PEAK1: variants seen among roughly 807,000 people sequenced by gnomAD.
PEAK1 encodes the protein pseudopodium enriched atypical kinase 1.
Under a neutral mutation model 124.7 loss-of-function variants are expected in PEAK1, and 54 were observed. The ratio of observed to expected loss-of-function variants is 0.43; its 90% CI spans 0.35 to 0.54. The LOEUF is 0.54. Among genes scored for constraint, PEAK1 ranks in the 20% least tolerant of loss-of-function variants. The pLI, the probability that PEAK1 is intolerant of heterozygous loss-of-function variation, is 0.01. For synonymous variants in PEAK1, 719 were observed against 760.0 expected (o/e 0.95, Z 0.89); for missense variants, 2,046 against 2,134.5 (o/e 0.96, Z 0.82).
At chr15:77,343,659 T>C (rs1294338080) in intron 2 of PEAK1, among the ~76,000 whole-genome samples, 1 of 152,070 alleles carries the variant, frequency 6.6e-6, no homozygotes, top group African/African-American at 2.4e-5. Flanking sequence ...CTAATTTTTG[T>C]ATTTTTTATA....
At chr15:77,408,679 C>T (rs1468705984) in intron 1 of PEAK1, among the ~76,000 whole-genome samples, 1 of 152,162 alleles carries the variant, frequency 6.6e-6, no homozygotes, top group Non-Finnish European at 1.5e-5. Flanking sequence ...AATTAAAAAA[C>T]TACTTCATAC....
At chr15:77,362,584 T>A (rs2067964638) in intron 2 of PEAK1, among the ~76,000 whole-genome samples, 1 of 152,152 alleles carries the variant, frequency 6.6e-6, no homozygotes, top group Admixed American at 6.5e-5. Context: ...TACCGTCTTT[T>A]TAGAAAACAG....
chr15:77,322,951 C>T (rs2065323754), intron 2 of PEAK1, among the ~76,000 whole-genome samples: 3 of 152,218 alleles, frequency 2.0e-5, no homozygotes, highest in Admixed American at 2.0e-4. Flanking sequence ...AAGAGGGCTT[C>T]ATCCCTGGGA....
intron 2 of PEAK1, among the ~76,000 whole-genome samples, chr15:77,291,823 A>C (rs2063227134): frequency 6.6e-6 from 1 of 151,978 alleles, no homozygotes; most frequent in African/African-American, 2.4e-5. Flanking sequence ...TAAAAATACA[A>C]AAAATTAGCC....
At chr15:77,283,336 CTTT>C (rs1352429972) in intron 5 of PEAK1, among the ~76,000 whole-genome samples, 1 of 152,006 alleles carries the variant, frequency 6.6e-6, no homozygotes, top group Non-Finnish European at 1.5e-5. Context: ...TTAAAAAACA[CTTT>C]TTAATATAGA....
At chr15:77,374,137 T>C (rs907631565) in intron 1 of PEAK1, among the ~76,000 whole-genome samples, 2 of 152,192 alleles carry the variant, frequency 1.3e-5, no homozygotes, top group African/African-American at 2.4e-5. Flanking sequence ...ACAGTGATCA[T>C]TAAACTCTAA....
At chr15:77,131,322 G>C (rs945450739) in intron 9 of PEAK1, among the ~76,000 whole-genome samples, 1 of 152,052 alleles carries the variant, frequency 6.6e-6, no homozygotes, top group African/African-American at 2.4e-5. Context: ...GTGAAACCCC[G>C]TGTCTACTAA....
At chr15:77,155,012 C>T (rs1046342901) in intron 8 of PEAK1, among the ~76,000 whole-genome samples, 9 of 152,082 alleles carry the variant, frequency 5.9e-5, no homozygotes, top group South Asian at 2.1e-4. Flanking sequence ...CTGTATTTCC[C>T]GAATCTGAAT....
intron 5 of PEAK1, chr15:77,278,546 T>C (rs2062463152): frequency 6.2e-6 from 3 of 486,552 alleles, no homozygotes; most frequent in South Asian, 1.5e-5. Flanking sequence ...ATCTGCAAGG[T>C]TGTCTACTAA....
intron 6 of PEAK1, among the ~76,000 whole-genome samples, chr15:77,251,976 A>C (rs1380486280): frequency 6.6e-6 from 1 of 152,228 alleles, no homozygotes; most frequent in Non-Finnish European, 1.5e-5. Flanking sequence ...ATACCACTGG[A>C]GCTGTAACAC....
rs2053096217 is a variant in PEAK1, at chr15:77,133,887, G to GA, written c.3332-138dup. 2.0e-6 allele frequency: 2 copies of GA among 1,006,054 alleles called. No individual in the cohort carries two copies. The highest frequency in any genetic ancestry group is 3.3e-5 in the African/African-American group (2 of 61,096). The allele number at this position is 1,006,054 out of a possible 1,614,324, so 62.3% of individuals were successfully genotyped here. A position where few individuals can be genotyped will look rare whatever the true frequency, so the allele number is the denominator to read the frequency against. ...AAGTCAACTCTTTAGTTCAAAATGGGAAAAGAGAACAACCAAAGAACAAAT... is the reference window on the plus strand; with the variant it reads ...AAGTCAACTCTTTAGTTCAAAATGGGAAAAAGAGAACAACCAAAGAACAAAT... On this transcript the variant is annotated intron_variant, in intron 8 of 9. Coordinates refer to ENST00000682557, the MANE Select transcript of PEAK1 (RefSeq NM_001385026.1). This position sits in a 1 kb window ranked among gnomAD's most constrained non-coding sequence, Gnocchi z 4.2.
Position 77,114,769 on chromosome 15 carries a change from G to A in PEAK1, c.4628C>T (p.Pro1543Leu), listed in dbSNP as rs1222832520. 6.2e-7 allele frequency: 1 copy of A among 1,613,186 alleles called. No individual in the cohort carries two copies. Among genetic ancestry groups the A allele is most frequent in the South Asian group, 1.1e-5 (1 of 91,052 alleles). The change falls in exon 10 of 10, where the codon CCC (proline) becomes CTC (leucine). Residue 1543 changes from proline to leucine, a missense_variant. Coordinates refer to ENST00000682557, the MANE Select transcript of PEAK1 (RefSeq NM_001385026.1). Reference protein sequence around the residue: ...AQGFGPAEPSPTSSYPTRLIV... With the variant: ...AQGFGPAEPSLTSSYPTRLIV... The stretch of plus-strand genomic sequence containing the variant: ...AAGCCTAGTGGGATAAGATGAGGTG[G>A]GGCTGGGCTCTGCAGGCCCAAAGCC...
At chr15:77,363,568 C>T (rs746010038) in intron 2 of PEAK1, among the ~76,000 whole-genome samples, 5 of 152,172 alleles carry the variant, frequency 3.3e-5, no homozygotes, top group South Asian at 2.1e-4. Flanking sequence ...AAAATCCCCA[C>T]CTCTGTGTTG....
intron 1 of PEAK1, chr15:77,417,474 G>GC: frequency 1.1e-6 from 1 of 921,870 alleles, no homozygotes; most frequent in Non-Finnish European, 1.3e-6. Context: ...GGGGAGGGGG[G>GC]CAAGAGGTAG....
chr15:77,170,870 G>C (rs574218741), intron 7 of PEAK1, among the ~76,000 whole-genome samples: 4 of 152,196 alleles, frequency 2.6e-5, no homozygotes, highest in African/African-American at 9.6e-5. Flanking sequence ...TCCCCCATGT[G>C]ATGGACACCA....
At chr15:77,195,945 C>G (rs2058082014) in intron 6 of PEAK1, among the ~76,000 whole-genome samples, 1 of 152,206 alleles carries the variant, frequency 6.6e-6, no homozygotes, top group Non-Finnish European at 1.5e-5. Flanking sequence ...AGTAGCAATG[C>G]CATCACTCTT....
downstream of PEAK1, chr15:77,105,568 G>A (rs2050742827): frequency 6.6e-6 from 1 of 152,158 alleles, no homozygotes; most frequent in African/African-American, 2.4e-5. Flanking sequence ...ACAACAACTT[G>A]TGATCTGCCA....
intron 5 of PEAK1, among the ~76,000 whole-genome samples, chr15:77,270,623 AGCTCATAG>A (rs1355896892): frequency 6.6e-6 from 1 of 152,136 alleles, no homozygotes; most frequent in African/African-American, 2.4e-5. Flanking sequence ...TCAACGGCTA[AGCTCATAG>A]GCTTAGGATT....
chr15:77,323,454 T>C (rs1457155403), intron 2 of PEAK1, among the ~76,000 whole-genome samples: 3 of 152,298 alleles, frequency 2.0e-5, no homozygotes, highest in Admixed American at 1.3e-4. Context: ...ACAAAATCAA[T>C]GTGCAAAAAT....
Sources: allele counts gnomAD v4.1 joint callset (sites outside exome capture counted in the v4.1 genomes callset), GRCh38; gene constraint gnomAD v4.1.1; non-coding constraint Gnocchi (gnomAD v3.1); transcripts MANE v1.5; gene names NCBI Gene and HGNC (gene_info 2026-07-23, HGNC 2026-07-21).